The following BCL2L14 variants were observed in gnomAD, a reference collection of about 807,000 sequenced individuals.
BCL2L14 encodes BCL2 like 14.
BCL2L14 carries 27 observed loss-of-function variants against 35.3 expected under a neutral mutation model. The ratio of observed to expected loss-of-function variants is 0.76; its 90% CI spans 0.56 to 1.05. The LOEUF is 1.05. BCL2L14 is among the 50% of genes least tolerant of loss of function. BCL2L14 has a pLI of 0.00. For missense variants in BCL2L14, 377 were observed against 382.6 expected, an observed-to-expected ratio of 0.99 and a Z score of 0.12; for synonymous variants, 139 against 145.9, an observed-to-expected ratio of 0.95 and a Z score of 0.34.
intron 2 of BCL2L14, among the ~76,000 whole-genome samples, chr12:12,060,103 G>A (rs34324716): frequency 6.7e-6 from 1 of 150,310 alleles, no homozygotes; most frequent in Non-Finnish European, 1.5e-5. Flanking sequence ...GAGCTAGGTC[G>A]CAATTCTTCC....
At chr12:12,084,022 G>T (rs932584117) in intron 2 of BCL2L14, among the ~76,000 whole-genome samples, 14 of 152,104 alleles carry the variant, frequency 9.2e-5, no homozygotes, top group Admixed American at 8.5e-4. Context: ...TGGCTGTTGG[G>T]GCTTCACCCA....
chr12:12,058,231 C>A (rs1423767035), intron 2 of BCL2L14, among the ~76,000 whole-genome samples: 2 of 149,160 alleles, frequency 1.3e-5, no homozygotes, highest in Admixed American at 6.7e-5. Flanking sequence ...GGATTACAGG[C>A]GTGAGTCATT....
At chr12:12,060,309 C>T (rs1948503711) in intron 2 of BCL2L14, among the ~76,000 whole-genome samples, 1 of 58,728 alleles carries the variant, frequency 1.7e-5, no homozygotes, top group Non-Finnish European at 3.3e-5. Context: ...GGCTCTTTTT[C>T]ATCAAATATA....
At chr12:12,068,710 C>T (rs1260271116), upstream of BCL2L14, among the ~76,000 whole-genome samples, 1 of 151,874 alleles carries the variant, frequency 6.6e-6, no homozygotes, top group Admixed American at 6.6e-5. Flanking sequence ...CAGCGTGAAT[C>T]CCAAAATTGG....
intron 2 of BCL2L14, 130 bp downstream of exon 2, chr12:12,079,868 T>G: frequency 5.4e-6 from 5 of 927,452 alleles, no homozygotes; most frequent in Non-Finnish European, 8.0e-6. Context: ...GCTTTCCAAC[T>G]TATTAGTGTT....
intron 2 of BCL2L14, among the ~76,000 whole-genome samples, chr12:12,059,647 T>A (rs980121449): frequency 6.6e-6 from 1 of 152,022 alleles, no homozygotes; most frequent in South Asian, 2.1e-4. Flanking sequence ...CTCTTTTCTC[T>A]GGGCTTGCCT....
chr12:12,097,286 C>CA (rs34316200), intron 5 of BCL2L14, among the ~76,000 whole-genome samples: 3 of 152,220 alleles, frequency 2.0e-5, no homozygotes, highest in African/African-American at 7.2e-5. Flanking sequence ...GGAAGCAACC[C>CA]AAATGTCCAT....
At chr12:12,084,438 G>C (rs1452038343) in intron 2 of BCL2L14, among the ~76,000 whole-genome samples, 2 of 152,248 alleles carry the variant, frequency 1.3e-5, no homozygotes, top group African/African-American at 4.8e-5. Flanking sequence ...GAGTGGGAAA[G>C]AGCAGTCCAT....
chr12:12,057,101 A>G (rs535637966), intron 2 of BCL2L14, among the ~76,000 whole-genome samples: 1 of 152,368 alleles, frequency 6.6e-6, no homozygotes, highest in East Asian at 1.9e-4. Context: ...GAAAACTCCA[A>G]CTACCACACA....
chr12:12,090,718 G>A, intron 3 of BCL2L14, 61 bp from the exon 4 acceptor site: 1 of 1,399,984 alleles, frequency 7.1e-7, no homozygotes, highest in South Asian at 1.2e-5. Context: ...ATTGTCCCTG[G>A]AAAAATGTAA....
chr12:12,080,022 G>A (rs1336431777), intron 2 of BCL2L14, among the ~76,000 whole-genome samples: 1 of 152,084 alleles, frequency 6.6e-6, no homozygotes, highest in Non-Finnish European at 1.5e-5. Context: ...GGCTAACACG[G>A]TAAAACCCCG....
chr12:12,092,843 C>T (rs1166589516), intron 4 of BCL2L14, among the ~76,000 whole-genome samples: 2 of 152,182 alleles, frequency 1.3e-5, no homozygotes, highest in African/African-American at 4.8e-5. Flanking sequence ...CTCCCAATCG[C>T]ATCTGACTCA....
Position 12,079,292 on chromosome 12 carries a change from G to A in BCL2L14, c.-7-7G>A. The A allele has an allele frequency of 6.2e-7, 1 of 1,608,366 alleles. No individual in the cohort carries two copies. The highest frequency in any genetic ancestry group is 8.5e-7 in the Non-Finnish European group (1 of 1,177,076). The stretch of plus-strand genomic sequence containing the variant: ...AGAAGGGCACAGTGTGGACTTTGTT[G>A]TTACAGGCCCAACATGTGTAGCACC... On this transcript the variant is annotated splice_polypyrimidine_tract_variant and splice_region_variant and intron_variant, in intron 1 of 5. Coordinates refer to ENST00000308721, the MANE Select transcript of BCL2L14 (RefSeq NM_138723.2).
intron 4 of BCL2L14, among the ~76,000 whole-genome samples, chr12:12,091,546 T>C (rs558644803): frequency 6.6e-6 from 1 of 152,294 alleles, no homozygotes; most frequent in African/African-American, 2.4e-5. Flanking sequence ...CTTGCAGACA[T>C]AGACCCTTGT....
At chr12:12,088,451 G>A (rs547108119) in intron 3 of BCL2L14, among the ~76,000 whole-genome samples, 1 of 152,236 alleles carries the variant, frequency 6.6e-6, no homozygotes, top group South Asian at 2.1e-4. Flanking sequence ...AAAGGAAAAG[G>A]GAAAATGCGG....
chr12:12,087,255 A>C lies in BCL2L14; in HGVS notation c.476A>C (p.Glu159Ala), dbSNP rs756550236. The C allele has an allele frequency of 1.2e-6, 2 of 1,614,166 alleles. No individual in the cohort carries two copies. Among genetic ancestry groups the C allele is most frequent in the Non-Finnish European group, 1.7e-6 (2 of 1,180,030 alleles). ...KVISIANRVAEIVYSWPPPQA... is the reference protein window; with the variant it reads ...KVISIANRVAAIVYSWPPPQA... ...ATTTCCATTGCCAACCGAGTAGCTG[A>C]AATTGTTTACTCCTGGCCACCACCA... Residue 159 changes from glutamate (E) to alanine (A), a missense_variant, in exon 3 of 6, where the codon GAA becomes GCA. Glu to Ala is a moderately radical substitution (Grantham distance 107). Coordinates refer to ENST00000308721, the MANE Select transcript of BCL2L14 (RefSeq NM_138723.2).
chr12:12,091,080 A>C (rs1483773798), intron 4 of BCL2L14, among the ~76,000 whole-genome samples: 2 of 152,198 alleles, frequency 1.3e-5, no homozygotes, highest in Non-Finnish European at 2.9e-5. Flanking sequence ...GAATTTTTGG[A>C]AACTAAAAAA....
At chr12:12,064,862 C>T (rs998024113) in intron 2 of BCL2L14, among the ~76,000 whole-genome samples, 1 of 152,236 alleles carries the variant, frequency 6.6e-6, no homozygotes, top group Non-Finnish European at 1.5e-5. Flanking sequence ...ACGATTACCT[C>T]CTGCCTTGGT....
chr12:12,083,493 G>A lies in BCL2L14; in HGVS notation c.434-3720G>A, dbSNP rs563733810. Among the ~76,000 whole-genome samples the A allele has an allele frequency of 1.2e-4, 19 of 152,290 alleles. No individual in the cohort carries two copies. The South Asian group carries it at 3.7e-3, about 30-fold the overall frequency. Reference sequence around the variant, plus strand: ...TTCTCCATAGCTACGATTTGCTCACGTGGAATGTTATAGTTAAGGTGAGGT... The same window carrying A: ...TTCTCCATAGCTACGATTTGCTCACATGGAATGTTATAGTTAAGGTGAGGT... On this transcript the variant is annotated intron_variant, in intron 2 of 5. Transcript: ENST00000308721.
Sources: gnomAD v4.1 joint callset for allele counts (sites outside exome capture counted in the v4.1 genomes callset) on GRCh38, gnomAD v4.1.1 for gene constraint, MANE v1.5 for transcripts, NCBI Gene and HGNC (gene_info 2026-07-23, HGNC 2026-07-21) for gene names.